The following NME6 variants were observed in gnomAD, a reference collection of about 807,000 sequenced individuals.
NME6 encodes the protein nucleoside diphosphate kinase 6, mitochondrial.
A neutral mutation model predicts 22.2 loss-of-function variants in NME6; 16 were observed. The observed-to-expected ratio is 0.72, with a 90% CI of 0.49 to 1.09. The LOEUF (loss-of-function observed/expected upper bound fraction) is 1.09. Among genes scored for constraint, NME6 ranks in the 50% least tolerant of loss-of-function variants. The pLI, the probability that NME6 is intolerant of heterozygous loss-of-function variation, is 0.00. For missense variants in NME6, 229 were observed against 239.0 expected (o/e 0.96, Z 0.28); for synonymous variants, 58 against 85.2 (o/e 0.68, Z 1.76).
At chr3:48,291,416 T>G, downstream of NME6, 1 of 368,580 alleles carries the variant, frequency 2.7e-6, no homozygotes, top group South Asian at 2.1e-5. Context: ...AGGGTCTCAC[T>G]GTCACCCAGG....
At chr3:48,300,664 C>G (rs781718742) in intron 1 of NME6, 3 of 241,990 alleles carry the variant, frequency 1.2e-5, no homozygotes, top group Non-Finnish European at 2.5e-5. Flanking sequence ...CCTTTACTAA[C>G]GCAGCTAAGT....
chr3:48,291,180 G>A (rs561968093), downstream of NME6: 21 of 326,912 alleles, frequency 6.4e-5, no homozygotes, highest in South Asian at 3.6e-4. Context: ...CAAACAGGAC[G>A]TGGTAAGGTG....
At chr3:48,300,558 A>G (rs1416545669) in intron 1 of NME6, 1 of 328,748 alleles carries the variant, frequency 3.0e-6, no homozygotes, top group East Asian at 8.4e-5. Context: ...ACAGTATCTG[A>G]ATGAACCAAC....
At chr3:48,297,576 C>T (rs2035247843) in intron 2 of NME6, 1 of 152,360 alleles carries the variant, frequency 6.6e-6, no homozygotes, top group Admixed American at 6.5e-5. Flanking sequence ...CAAGATTTCC[C>T]ACCCTAATCT....
intron 5 of NME6, 43 bp downstream of exon 5, chr3:48,295,032 C>A (rs778261240): frequency 6.3e-7 from 1 of 1,588,248 alleles, no homozygotes; most frequent in South Asian, 1.1e-5. Context: ...ACAGCCTGCC[C>A]GCTAACCCCA....
In NME6 at chr3:48,294,045, G is replaced by C. The variant is rs1293749633; in HGVS notation, c.*592C>G. The C allele has an allele frequency of 6.6e-6, 1 of 151,842 alleles. No homozygotes were observed. The highest frequency in any genetic ancestry group is 1.5e-5 in the Non-Finnish European group (1 of 68,030). 9.4% of individuals were successfully genotyped at this position (151,842 alleles called of 1,614,324 possible). On this transcript the variant is annotated 3_prime_UTR_variant, in exon 6 of 6. Coordinates refer to ENST00000442597, the MANE Select transcript of NME6 (RefSeq NM_001308426.2). ...AGGAAGACAGGTCAAATGTTGTTTGGAGTCACTGCATTTTTTAGGCAAGTC... is the reference window on the plus strand; with the variant it reads ...AGGAAGACAGGTCAAATGTTGTTTGCAGTCACTGCATTTTTTAGGCAAGTC...
At chr3:48,294,919 T>C in intron 5 of NME6, 116 bp from the exon 6 acceptor site, 1 of 1,394,698 alleles carries the variant, frequency 7.2e-7, no homozygotes, top group African/African-American at 1.4e-5. Flanking sequence ...TCCTGGGGCA[T>C]GTAAAGAAAG....
chr3:48,289,382 T>G (rs907466914), downstream of NME6, among the ~76,000 whole-genome samples: 1 of 152,096 alleles, frequency 6.6e-6, no homozygotes, highest in African/African-American at 2.4e-5. Flanking sequence ...AAAATAACAC[T>G]TTTTTAATGT....
intron 1 of NME6, among the ~76,000 whole-genome samples, chr3:48,299,773 C>G (rs980746968): frequency 6.6e-6 from 1 of 152,156 alleles, no homozygotes; most frequent in Non-Finnish European, 1.5e-5. Context: ...CGCTCCTATT[C>G]ATGTCCTTTC....
rs1252761432 is a variant in NME6, at chr3:48,293,833, G to C, written c.*804C>G. The C allele has an allele frequency of 6.6e-6, 1 of 152,198 alleles. No homozygotes were observed. Among genetic ancestry groups the C allele is most frequent in the Admixed American group, 6.5e-5 (1 of 15,280 alleles). 9.4% of individuals were successfully genotyped at this position (152,198 alleles called of 1,614,324 possible). On this transcript the variant is annotated 3_prime_UTR_variant, in exon 6 of 6. Transcript: ENST00000442597. ...ATAAATGTTTGCATAAGCTGATAAAGGAGATGAAGAAAAACACACAGAAGG... is the reference window on the plus strand; with the variant it reads ...ATAAATGTTTGCATAAGCTGATAAACGAGATGAAGAAAAACACACAGAAGG...
chr3:48,298,607 CA>C lies in NME6; in HGVS notation c.-7-85del, dbSNP rs1357718889. 1.3e-5 allele frequency: 12 copies of C among 911,474 alleles called. No homozygotes were observed. In the African/African-American group the frequency reaches 2.0e-4, roughly 15 times the overall value. 56.5% of individuals were successfully genotyped at this position (911,474 alleles called of 1,614,324 possible). Reference sequence around the variant, plus strand: ...ATTGGAGCCACGCAGCCTTGCAAGCCAACGAGTGCTCTCACTCCTGACACTC... The same window carrying C: ...ATTGGAGCCACGCAGCCTTGCAAGCCACGAGTGCTCTCACTCCTGACACTC... On this transcript the variant is annotated intron_variant, in intron 1 of 5. Transcript: ENST00000442597.
At chr3:48,298,363 C>A (rs1409954637) in intron 2 of NME6, 64 bp downstream of exon 2, 1 of 1,407,902 alleles carries the variant, frequency 7.1e-7, no homozygotes. Context: ...ATAAATGGCC[C>A]AATGGCACCT....
rs770717859 is a variant in NME6 at position 48,296,120 on chromosome 3, T to C, written c.232A>G (p.Ser78Gly). 5.0e-6 allele frequency: 8 copies of C among 1,607,740 alleles called. No individual in the cohort carries two copies. In the African/African-American group the frequency reaches 8.0e-5, roughly 16 times the overall value. Residue 78 changes from serine to glycine, a missense_variant and splice_region_variant, in exon 4 of 6, where the codon AGC (serine) becomes GGC (glycine). Coordinates refer to ENST00000442597, the MANE Select transcript of NME6 (RefSeq NM_001308426.2). Reference protein sequence around the residue: ...FYQRLVEFMASGPIRAYILAH... With the variant: ...FYQRLVEFMAGGPIRAYILAH... ...ATGCTGGAACCAAATTTGAAGTACC[T>C]GGCCATGAACTCCACCAGCCTCTGA...
At chr3:48,300,596 G>A (rs2035587624) in intron 1 of NME6, 3 of 305,074 alleles carry the variant, frequency 9.8e-6, no homozygotes, top group African/African-American at 6.6e-5. Flanking sequence ...CCATTCCAAG[G>A]CCAGGCTGCT....
In NME6 at chr3:48,293,659, G is replaced by C. The variant is rs2034737820; in HGVS notation, c.*978C>G. 1 of 152,120 alleles carries C rather than the reference G, an allele frequency of 6.6e-6. No homozygotes were observed. Among genetic ancestry groups the C allele is most frequent in the South Asian group, 2.1e-4 (1 of 4,828 alleles). 9.4% of individuals were successfully genotyped at this position (152,120 alleles called of 1,614,324 possible). On this transcript the variant is annotated 3_prime_UTR_variant, in exon 6 of 6. Coordinates refer to ENST00000442597, the MANE Select transcript of NME6 (RefSeq NM_001308426.2). The stretch of plus-strand genomic sequence containing the variant: ...CCTTCTTTCCTCTGTTCTCCCACAG[G>C]ACTTTATACCTCTGTTAGGGCACTT...
intron 4 of NME6, 140 bp downstream of exon 4, chr3:48,295,979 A>G: frequency 1.4e-6 from 1 of 701,798 alleles, no homozygotes; most frequent in Non-Finnish European, 2.6e-6. Flanking sequence ...AGCCTCCCAA[A>G]GTGCTGGGAT....
At chr3:48,291,096 G>A (rs772379433), downstream of NME6, 22 of 287,068 alleles carry the variant, frequency 7.7e-5, no homozygotes, top group South Asian at 7.7e-4. Context: ...GGATACACTT[G>A]GCATATAGAC....
downstream of NME6, chr3:48,291,379 C>A: frequency 4.5e-6 from 2 of 445,318 alleles, no homozygotes; most frequent in South Asian, 1.7e-5. Flanking sequence ...CTCACATGCT[C>A]ATGTCATACT....
intron 1 of NME6, 124 bp downstream of exon 1, chr3:48,301,229 A>C (rs2035668858): frequency 6.6e-7 from 1 of 1,526,372 alleles, no homozygotes; most frequent in Admixed American, 2.0e-5. Context: ...CTCTCGACCC[A>C]GCCCCCTACT....
Sources: allele counts gnomAD v4.1 joint callset (sites outside exome capture counted in the v4.1 genomes callset), GRCh38; gene constraint gnomAD v4.1.1; transcripts MANE v1.5; gene names NCBI Gene and HGNC (gene_info 2026-07-23, HGNC 2026-07-21).